Variants in PPP2R2C observed in about 807,000 individuals in gnomAD.
PPP2R2C encodes the protein protein phosphatase 2, regulatory subunit B, gamma.
A neutral mutation model predicts 45.3 loss-of-function variants in PPP2R2C; 10 were observed. That is an observed-to-expected ratio of 0.22 (90% CI 0.14 to 0.37). PPP2R2C has a LOEUF of 0.37. Ranked by LOEUF, PPP2R2C falls within the 10% of genes least tolerant of loss-of-function variation. The pLI, the probability that PPP2R2C is intolerant of heterozygous loss-of-function variation, is 1.00. For synonymous variants in PPP2R2C, 257 were observed against 245.4 expected, an observed-to-expected ratio of 1.05 and a Z score of -0.44; for missense variants, 308 against 619.7, an observed-to-expected ratio of 0.50 and a Z score of 5.34.
At chr4:6,334,265 T>A (rs927152764) in intron 6 of PPP2R2C, among the ~76,000 whole-genome samples, 1 of 152,136 alleles carries the variant, frequency 6.6e-6, no homozygotes, top group Non-Finnish European at 1.5e-5. Flanking sequence ...TTCATTGCCA[T>A]GGGGTTTGTA....
In PPP2R2C at chr4:6,364,910, CAAG is replaced by C. The variant is rs1040528920; in HGVS notation, c.625+7610_625+7612del. Among the ~76,000 whole-genome samples the C allele has an allele frequency of 3.3e-5, 5 of 152,280 alleles. No homozygotes were observed. Among genetic ancestry groups the C allele is most frequent in the Admixed American group, 3.3e-4 (5 of 15,290 alleles). On this transcript the variant is annotated intron_variant, in intron 5 of 8. Transcript: ENST00000382599. The surrounding 1 kb of genome is among the most constrained non-coding windows in gnomAD (Gnocchi z 5.3). ...ATCACAGGACTCATCGAGGCTTGAGCAAGAAGAAGACTATCTTTTTGCTCACCT... is the reference window on the plus strand; with the variant it reads ...ATCACAGGACTCATCGAGGCTTGAGCAAGAAGACTATCTTTTTGCTCACCT...
chr4:6,490,352 C>G (rs1297194657), intron 2 of PPP2R2C, among the ~76,000 whole-genome samples: 1 of 152,260 alleles, frequency 6.6e-6, no homozygotes, highest in African/African-American at 2.4e-5. Context: ...AAGCCATCCT[C>G]TCATGACACT....
chr4:6,431,627 T>A (rs1719628494), intron 1 of PPP2R2C, among the ~76,000 whole-genome samples: 1 of 152,210 alleles, frequency 6.6e-6, no homozygotes, highest in Non-Finnish European at 1.5e-5. Context: ...GAGCCCCTCC[T>A]ACTTGTATCT....
chr4:6,413,800 G>T, intron 1 of PPP2R2C: 1 of 1,435,102 alleles, frequency 7.0e-7, no homozygotes, highest in Non-Finnish European at 9.4e-7. Flanking sequence ...CTGGCCAAAG[G>T]CCACAGCTAG....
chr4:6,444,661 C>A (rs1720325192), intron 1 of PPP2R2C, among the ~76,000 whole-genome samples: 1 of 152,234 alleles, frequency 6.6e-6, no homozygotes. Flanking sequence ...TTCTTAATTT[C>A]TTTTAAGCCA....
chr4:6,554,965 A>G (rs376793214), intron 1 of PPP2R2C, among the ~76,000 whole-genome samples: 3 of 126,946 alleles, frequency 2.4e-5, no homozygotes, highest in East Asian at 5.7e-4. Flanking sequence ...GAAAGAAAGA[A>G]AGAGAAAGAA....
At position 6,496,705 on chromosome 4, in the gene PPP2R2C, C is replaced by CA. The variant is rs566334192; in HGVS notation, c.49+38565dup. Among the ~76,000 whole-genome samples the CA allele has an allele frequency of 7.2e-5, 11 of 151,894 alleles. No individual in the cohort carries two copies. The East Asian group carries it at 1.9e-3, about 27-fold the overall frequency. ...GGTGAAACCCTATCTCTACTAAATA[C>CA]AAAAAATTAGCCAGGTGTGGTGGTG... On this transcript the variant is annotated intron_variant, in intron 2 of 9. Coordinates refer to the PPP2R2C transcript ENST00000506140.
In PPP2R2C at chr4:6,364,959, A is replaced by T. The variant is rs1714153616; in HGVS notation, c.625+7564T>A. On this transcript the variant is annotated intron_variant, in intron 5 of 8. Transcript: ENST00000382599. This position sits in a 1 kb window ranked among gnomAD's most constrained non-coding sequence, Gnocchi z 5.3. ...CACCTAGAAAGTTCACCTGGATAGC[A>T]TCAGGATCCCCATTCACTCAGAAAG... Among the ~76,000 whole-genome samples the T allele has an allele frequency of 6.6e-6, 1 of 152,208 alleles. No individual in the cohort carries two copies. Among genetic ancestry groups the T allele is most frequent in the Admixed American group, 6.5e-5 (1 of 15,284 alleles).
At chr4:6,400,927 T>C (rs1717375774) in intron 1 of PPP2R2C, among the ~76,000 whole-genome samples, 1 of 152,142 alleles carries the variant, frequency 6.6e-6, no homozygotes, top group African/African-American at 2.4e-5. Flanking sequence ...AGCTGGGAGT[T>C]GAGGAACATT....
intron 1 of PPP2R2C, among the ~76,000 whole-genome samples, chr4:6,405,919 G>C (rs954137046): frequency 6.6e-6 from 1 of 152,140 alleles, no homozygotes; most frequent in Non-Finnish European, 1.5e-5. Context: ...CATTTGGCTC[G>C]ATACTTTGTT....
At chr4:6,502,525 CCTTCCCTG>C (rs1723093532) in intron 2 of PPP2R2C, among the ~76,000 whole-genome samples, 1 of 152,026 alleles carries the variant, frequency 6.6e-6, no homozygotes, top group African/African-American at 2.4e-5. Flanking sequence ...CTCCCTCCCT[CCTTCCCTG>C]CTTCCTTCCT....
chr4:6,392,376 A>C (rs1716706183), intron 1 of PPP2R2C, among the ~76,000 whole-genome samples: 1 of 152,088 alleles, frequency 6.6e-6, no homozygotes, highest in Non-Finnish European at 1.5e-5. Context: ...CATGTCAATA[A>C]ATAGCTCTTG....
intron 1 of PPP2R2C, chr4:6,414,103 TG>T (rs1718397693): frequency 1.5e-6 from 2 of 1,317,806 alleles, no homozygotes; most frequent in African/African-American, 1.5e-5. Flanking sequence ...TGTGTGTGTG[TG>T]TGTGTGTGTG....
chr4:6,397,354 G>A (rs1011631423), intron 1 of PPP2R2C, among the ~76,000 whole-genome samples: 20 of 152,204 alleles, frequency 1.3e-4, no homozygotes, highest in African/African-American at 3.9e-4. Context: ...CCTCAGCCTC[G>A]GGGCCTGGCT....
rs1725647280 is a variant in PPP2R2C at position 6,563,375 on chromosome 4, G to A, written c.-59+185C>T. ...GCCCCAGGACCGCCCCGGGGTCGGT[G>A]CCCGGGCTCTCTGAGTCTCGCTTCT... On this transcript the variant is annotated intron_variant, in intron 1 of 9. Coordinates refer to the PPP2R2C transcript ENST00000506140. This position sits in a 1 kb window ranked among gnomAD's most constrained non-coding sequence, Gnocchi z 5.8. Among the ~76,000 whole-genome samples, 1 of 152,180 alleles carries A rather than the reference G, an allele frequency of 6.6e-6. No individual in the cohort carries two copies. The highest frequency in any genetic ancestry group is 2.1e-4 in the South Asian group (1 of 4,830).
At position 6,378,591 on chromosome 4, in the gene PPP2R2C, A is replaced by G. The variant is rs770945212; in HGVS notation, c.169-19T>C. 14 of 1,607,330 alleles carry G rather than the reference A, an allele frequency of 8.7e-6. No homozygotes were observed. In the East Asian group the frequency reaches 3.1e-4, roughly 36 times the overall value. ...TTTTACTCTGCAGGGAAACCCGGAG[A>G]AGGGGCCTGAGCACCGTGACCTGCA... On this transcript the variant is annotated intron_variant, in intron 2 of 8. Coordinates refer to ENST00000382599, the MANE Select transcript of PPP2R2C (RefSeq NM_020416.4). The surrounding 1 kb of genome is among the most constrained non-coding windows in gnomAD (Gnocchi z 5.2).
chr4:6,476,108 T>C (rs1251920014), upstream of PPP2R2C, among the ~76,000 whole-genome samples: 1 of 152,134 alleles, frequency 6.6e-6, no homozygotes, highest in East Asian at 1.9e-4. Context: ...AGGAAGTACA[T>C]TTCTGTTGTT....
chr4:6,382,463 G>C (rs757529185), intron 1 of PPP2R2C: 46 of 1,351,894 alleles, frequency 3.4e-5, no homozygotes, highest in Non-Finnish European at 4.4e-5. Flanking sequence ...CCAAACTCCT[G>C]AGCCAGTGCA....
Position 6,356,672 on chromosome 4 carries a change from A to G in PPP2R2C, c.626-8662T>C, listed in dbSNP as rs117639862. On this transcript the variant is annotated intron_variant, in intron 5 of 8. Transcript: ENST00000382599. ...GCGCTGAGAACAGGACCAGGCTCAG[A>G]GTGGGCGCTCTGTAGGTGAGCTGCT... Among the ~76,000 whole-genome samples, 1,130 of 152,376 alleles carry G rather than the reference A, an allele frequency of 7.4e-3. 54 individuals carry two copies. The highest frequency in any genetic ancestry group is 0.06 in the Admixed American group (921 of 15,312).
Sources: gnomAD v4.1 joint callset for allele counts (sites outside exome capture counted in the v4.1 genomes callset) on GRCh38, gnomAD v4.1.1 for gene constraint, Gnocchi (gnomAD v3.1) non-coding constraint, MANE v1.5 for transcripts, NCBI Gene and HGNC (gene_info 2026-07-23, HGNC 2026-07-21) for gene names.